PRKDC: variants seen among roughly 807,000 people sequenced by gnomAD.
PRKDC encodes DNA-dependent protein kinase catalytic subunit.
Under a neutral mutation model 486.9 loss-of-function variants are expected in PRKDC, and 82 were observed. That is an observed-to-expected ratio of 0.17 (90% CI 0.14 to 0.20). The LOEUF is 0.20. PRKDC is among the 10% of genes least tolerant of loss of function. The pLI, the probability that PRKDC is intolerant of heterozygous loss-of-function variation, is 1.00. For synonymous variants in PRKDC, 1,895 were observed against 1,837.0 expected (o/e 1.03, Z -0.81); for missense variants, 4,504 against 5,038.2 (o/e 0.89, Z 3.21).
intron 74 of PRKDC, among the ~76,000 whole-genome samples, chr8:47,790,146 T>A (rs2086860592): frequency 6.6e-6 from 1 of 152,192 alleles, no homozygotes. Context: ...TGATACGATC[T>A]TATATTTGGA....
intron 85 of PRKDC, among the ~76,000 whole-genome samples, chr8:47,776,390 G>C (rs993669982): frequency 3.3e-5 from 5 of 152,120 alleles, no homozygotes; most frequent in African/African-American, 9.7e-5. Context: ...ACCTCAACAA[G>C]AGAAAACTTT....
At chr8:47,813,359 C>T (rs1261549884) in intron 68 of PRKDC, among the ~76,000 whole-genome samples, 1 of 151,988 alleles carries the variant, frequency 6.6e-6, no homozygotes, top group Non-Finnish European at 1.5e-5. Flanking sequence ...CTCAAATGAT[C>T]CACCCACCTC....
chr8:47,882,609 AGCAAACATGCACACAC>A (rs1284630404), intron 36 of PRKDC, among the ~76,000 whole-genome samples: 1 of 152,158 alleles, frequency 6.6e-6, no homozygotes, highest in East Asian at 1.9e-4. Flanking sequence ...TACACACACA[AGCAAACATGCACACAC>A]GCAAACGCAC....
chr8:47,854,068 C>A lies in PRKDC; in HGVS notation c.6893+15G>T, dbSNP rs2088478855. 4.3e-6 allele frequency: 7 copies of A among 1,612,880 alleles called. No homozygotes were observed. The highest frequency in any genetic ancestry group is 1.3e-5 in the African/African-American group (1 of 74,898). On this transcript the variant is annotated intron_variant, in intron 51 of 85. Transcript: ENST00000314191. ...GGGTAGACGTGACCTAAAAAATAAT[C>A]AAGCAAACACGTACTCGCTACTCTG...
rs372812041 is a variant in PRKDC, at chr8:47,882,155, C to A, written c.4777-58G>T. ...TCTTAATTTTGAGAATGACAGAAAA[C>A]AAAATTTACCTTTATTTCAAAGCTA... On this transcript the variant is annotated intron_variant, in intron 36 of 85. Transcript: ENST00000314191. 3.8e-5 allele frequency: 55 copies of A among 1,456,794 alleles called. 2 individuals are homozygous for A. The African/African-American group carries it at 6.8e-4, about 18-fold the overall frequency. 90.2% of individuals were successfully genotyped at this position (1,456,794 alleles called of 1,614,324 possible).
intron 21 of PRKDC, among the ~76,000 whole-genome samples, chr8:47,919,673 G>A (rs1194611692): frequency 6.7e-6 from 1 of 149,938 alleles, no homozygotes; most frequent in Non-Finnish European, 1.5e-5. Context: ...ATGTTAAAGA[G>A]TTCTACTCTC....
intron 7 of PRKDC, among the ~76,000 whole-genome samples, chr8:47,952,583 T>A (rs983868351): frequency 6.6e-6 from 1 of 152,054 alleles, no homozygotes; most frequent in African/African-American, 2.4e-5. Context: ...TCGCTAGGTG[T>A]GGTGGCTCAT....
chr8:47,898,445 C>A, intron 29 of PRKDC, 25 bp downstream of exon 29: 1 of 1,516,952 alleles, frequency 6.6e-7, no homozygotes, highest in Non-Finnish European at 9.0e-7. Context: ...TGGGAAAAGA[C>A]GGAAAAGGAA....
At chr8:47,846,083 T>A (rs2088257001) in intron 54 of PRKDC, among the ~76,000 whole-genome samples, 1 of 152,162 alleles carries the variant, frequency 6.6e-6, no homozygotes, top group Non-Finnish European at 1.5e-5. Flanking sequence ...AAAAGCCATA[T>A]GATCATTTCA....
chr8:47,904,795 A>C, intron 26 of PRKDC, 74 bp downstream of exon 26: 2 of 1,239,052 alleles, frequency 1.6e-6, no homozygotes, highest in South Asian at 2.7e-5. Context: ...TGTCTCAAAA[A>C]CATAAATAAA....
intron 68 of PRKDC, among the ~76,000 whole-genome samples, chr8:47,810,192 C>T (rs1224623504): frequency 1.3e-5 from 2 of 152,218 alleles, no homozygotes; most frequent in African/African-American, 4.8e-5. Flanking sequence ...CCAGCATCTA[C>T]ACAAGAGAAT....
chr8:47,892,570 GTCC>G (rs2089485056), intron 31 of PRKDC, among the ~76,000 whole-genome samples: 2 of 151,922 alleles, frequency 1.3e-5, no homozygotes, highest in Non-Finnish European at 2.9e-5. Context: ...GGCTCAAGTG[GTCC>G]TCCTGCCTCG....
chr8:47,960,135 G>C lies in PRKDC; in HGVS notation c.-9C>G, dbSNP rs896877827. ...GCTCCGGAGCCCGCCATGCCGCCGA[G>C]TCCCGCTCCCGCGCGTGCGCCCGCT... On this transcript the variant is annotated 5_prime_UTR_variant, in exon 1 of 86. Transcript: ENST00000314191. 48 of 1,473,690 alleles carry C rather than the reference G, an allele frequency of 3.3e-5. No individual in the cohort carries two copies. The highest frequency in any genetic ancestry group is 4.0e-5 in the Non-Finnish European group (45 of 1,113,364). The allele number at this position is 1,473,690 out of a possible 1,614,324, so 91.3% of individuals were successfully genotyped here.
chr8:47,873,984 ATT>A (rs1200890690), intron 40 of PRKDC, among the ~76,000 whole-genome samples: 19 of 130,106 alleles, frequency 1.5e-4, no homozygotes, highest in South Asian at 7.2e-4. Flanking sequence ...GTATTTTGCT[ATT>A]TTTTTTTTTT....
intron 39 of PRKDC, 48 bp downstream of exon 39, chr8:47,879,442 GA>G (rs375696846): frequency 6.4e-4 from 826 of 1,291,536 alleles, no homozygotes; most frequent in African/African-American, 6.3e-3. Flanking sequence ...TATGTAACAA[GA>G]AAAAAAAAAC....
At chr8:47,928,608 A>G (rs2090195354) in intron 19 of PRKDC, among the ~76,000 whole-genome samples, 1 of 150,416 alleles carries the variant, frequency 6.6e-6, no homozygotes, top group Non-Finnish European at 1.5e-5. Context: ...GCTGGAGTGC[A>G]GTGGCACTAT....
chr8:47,868,767 C>T lies in PRKDC; in HGVS notation c.5364-4004G>A, dbSNP rs552426577. Among the ~76,000 whole-genome samples the T allele has an allele frequency of 3.3e-5, 5 of 152,300 alleles. No homozygotes were observed. In the East Asian group the frequency reaches 7.7e-4, roughly 23 times the overall value. On this transcript the variant is annotated intron_variant, in intron 40 of 85. Coordinates refer to ENST00000314191, the MANE Select transcript of PRKDC (RefSeq NM_006904.7). The stretch of plus-strand genomic sequence containing the variant: ...TAACTTCGTATTAAGGAAAGAGGCA[C>T]TGAAGAAACTAAGAAAGATAGTCTT...
chr8:47,930,922 G>A (rs2090240412), intron 16 of PRKDC, 135 bp from the exon 17 acceptor site: 2 of 787,156 alleles, frequency 2.5e-6, no homozygotes, highest in Admixed American at 3.0e-5. Flanking sequence ...AGACCAAGAT[G>A]GGTGCTCAAG....
Position 47,864,598 on chromosome 8 carries a change from A to C in PRKDC, c.5529T>G (p.Ile1843Met), listed in dbSNP as rs1399255196. The C allele has an allele frequency of 1.2e-6, 2 of 1,610,424 alleles. No homozygotes were observed. Among genetic ancestry groups the C allele is most frequent in the South Asian group, 1.1e-5 (1 of 90,272 alleles). The change falls in exon 41 of 86, where the codon ATT becomes ATG. Residue 1843 changes from isoleucine (I) to methionine (M), a missense_variant. Ile to Met is a conservative substitution (Grantham distance 10, BLOSUM62 1). Coordinates refer to ENST00000314191, the MANE Select transcript of PRKDC (RefSeq NM_006904.7). ...TCAACACATCAATGGCATCCACCAC[A>C]ATTGTGCTGAAGAATTCTCTCAAAG... ...LDALREFFST[I>M]VVDAIDVLKS...
Sources: gnomAD v4.1 joint callset for allele counts (sites outside exome capture counted in the v4.1 genomes callset) on GRCh38, gnomAD v4.1.1 for gene constraint, MANE v1.5 for transcripts, NCBI Gene and HGNC (gene_info 2026-07-23, HGNC 2026-07-21) for gene names.